CLVS1: variants seen among roughly 807,000 people sequenced by gnomAD.
The protein encoded by CLVS1 is clavesin-1.
CLVS1 carries 10 observed loss-of-function variants against 33.1 expected under a neutral mutation model. The observed-to-expected ratio is 0.30, with a 90% confidence interval of 0.19 to 0.51. The LOEUF is 0.51. Among genes scored for constraint, CLVS1 ranks in the 20% least tolerant of loss-of-function variants. The pLI is 0.97. For synonymous variants in CLVS1, 163 were observed against 166.1 expected, an observed-to-expected ratio of 0.98 and a Z score of 0.14; for missense variants, 343 against 433.4, an observed-to-expected ratio of 0.79 and a Z score of 1.85.
At chr8:61,047,150 A>G in the CLVS1 span, among the ~76,000 whole-genome samples, 1 of 152,238 alleles carries the variant, frequency 6.6e-6, no homozygotes. Context: ...GGCGAAGGAC[A>G]TGAACAGACA....
intron 2 of CLVS1, among the ~76,000 whole-genome samples, chr8:61,356,021 G>A (rs1812689028): frequency 6.6e-6 from 1 of 152,142 alleles, no homozygotes; most frequent in Non-Finnish European, 1.5e-5. Flanking sequence ...CTAGTTTACA[G>A]TCCCACCAAC....
At chr8:61,120,892 A>G (rs10094526) in intron 1 of CLVS1, among the ~76,000 whole-genome samples, 46,632 of 132,762 alleles carry the variant, frequency 0.35, 9,592 homozygotes, top group Admixed American at 0.45. Context: ...GATCTGTGGT[A>G]GGCTCCACCC....
intron 2 of CLVS1, among the ~76,000 whole-genome samples, chr8:61,260,624 A>G (rs1812574): frequency 0.27 from 41,216 of 152,030 alleles, 8,067 homozygotes; most frequent in East Asian, 0.85. Flanking sequence ...GGGGCATCTG[A>G]TCTTCAGGGA....
chr8:61,067,349 T>C (rs1457834642), intron 1 of CLVS1, among the ~76,000 whole-genome samples: 2 of 151,122 alleles, frequency 1.3e-5, no homozygotes, highest in African/African-American at 4.8e-5. Context: ...TGCTAAATTA[T>C]ATATGTGGGT....
intron 3 of CLVS1, among the ~76,000 whole-genome samples, chr8:61,405,880 A>G (rs773940498): frequency 9.9e-5 from 15 of 152,122 alleles, no homozygotes; most frequent in Non-Finnish European, 1.6e-4. Flanking sequence ...GCACCTCTAA[A>G]GTGGTCTCAT....
At chr8:61,051,392 G>A in the CLVS1 span, among the ~76,000 whole-genome samples, 1 of 152,248 alleles carries the variant, frequency 6.6e-6, no homozygotes, top group Non-Finnish European at 1.5e-5. Context: ...TTCGGGTGTA[G>A]GGGAGTTGGG....
intron 1 of CLVS1, among the ~76,000 whole-genome samples, chr8:61,071,145 A>G (rs1344047905): frequency 6.6e-6 from 1 of 152,252 alleles, no homozygotes; most frequent in East Asian, 1.9e-4. Flanking sequence ...TATGAGGCCA[A>G]CGCGTCTTTA....
At chr8:61,400,395 TTTGGTG>T (rs1297169858) in intron 3 of CLVS1, among the ~76,000 whole-genome samples, 1 of 152,190 alleles carries the variant, frequency 6.6e-6, no homozygotes, top group Non-Finnish European at 1.5e-5. Flanking sequence ...ATCCTGAGAT[TTTGGTG>T]AAGTTGCTTA....
At chr8:61,113,251 G>T (rs1021820826) in intron 1 of CLVS1, among the ~76,000 whole-genome samples, 1 of 152,158 alleles carries the variant, frequency 6.6e-6, no homozygotes, top group Admixed American at 6.5e-5. Flanking sequence ...GGTAATGGAA[G>T]TTTTTGAGAA....
At chr8:61,223,064 T>A (rs1428364766) in intron 2 of CLVS1, among the ~76,000 whole-genome samples, 1 of 152,038 alleles carries the variant, frequency 6.6e-6, no homozygotes, top group Non-Finnish European at 1.5e-5. Flanking sequence ...TTTGAGCCTG[T>A]GTGTGTCTTT....
chr8:61,417,690 A>G (rs1268521193), intron 3 of CLVS1, among the ~76,000 whole-genome samples: 1 of 152,236 alleles, frequency 6.6e-6, no homozygotes, highest in African/African-American at 2.4e-5. Context: ...GCATCTTCCA[A>G]CTAGGTACTC....
intron 3 of CLVS1, among the ~76,000 whole-genome samples, chr8:61,452,370 C>A (rs73257396): frequency 6.6e-6 from 1 of 152,122 alleles, no homozygotes; most frequent in Non-Finnish European, 1.5e-5. Flanking sequence ...GATAGTGAAG[C>A]CCTGGTTTTA....
intron 2 of CLVS1, among the ~76,000 whole-genome samples, chr8:61,235,857 CTT>C (rs1326144466): frequency 1.3e-5 from 2 of 152,298 alleles, no homozygotes; most frequent in East Asian, 3.9e-4. Flanking sequence ...TCATTTGAGA[CTT>C]TACTTCTGTG....
the CLVS1 span, among the ~76,000 whole-genome samples, chr8:61,038,845 G>A: frequency 1.3e-5 from 2 of 152,160 alleles, no homozygotes; most frequent in East Asian, 1.9e-4. Flanking sequence ...GGACACTCAC[G>A]AACACCTGTC....
chr8:61,141,950 T>C (rs943436710), intron 2 of CLVS1, among the ~76,000 whole-genome samples: 1 of 152,196 alleles, frequency 6.6e-6, no homozygotes. Flanking sequence ...GTGTCCATCT[T>C]CCCTTAATCT....
intron 1 of CLVS1, among the ~76,000 whole-genome samples, chr8:61,102,839 G>A (rs897042190): frequency 6.6e-5 from 10 of 152,108 alleles, no homozygotes; most frequent in Admixed American, 2.0e-4. Context: ...AGAGGAAAGA[G>A]CAGTTGGAGG....
At chr8:61,336,631 AGAG>A (rs1811817133) in intron 2 of CLVS1, among the ~76,000 whole-genome samples, 1 of 152,210 alleles carries the variant, frequency 6.6e-6, no homozygotes, top group Non-Finnish European at 1.5e-5. Context: ...CAAAGCAGAA[AGAG>A]GAGACTTACA....
At chr8:61,179,140 G>A (rs1807179472) in intron 2 of CLVS1, among the ~76,000 whole-genome samples, 1 of 152,078 alleles carries the variant, frequency 6.6e-6, no homozygotes, top group Admixed American at 6.6e-5. Flanking sequence ...CAAAATAAAG[G>A]GATAGAGGAA....
chr8:60,992,398 T>C, the CLVS1 span, among the ~76,000 whole-genome samples: 2 of 152,172 alleles, frequency 1.3e-5, no homozygotes, highest in South Asian at 2.1e-4. Flanking sequence ...CTGTGCATGA[T>C]ACATAGACTT....
Sources: gnomAD v4.1 joint callset for allele counts (sites outside exome capture counted in the v4.1 genomes callset) on GRCh38, gnomAD v4.1.1 for gene constraint, MANE v1.5 for transcripts, NCBI Gene and HGNC (gene_info 2026-07-23, HGNC 2026-07-21) for gene names.